SLC25A21: variants seen among roughly 807,000 people sequenced by gnomAD.
The protein encoded by SLC25A21 is mitochondrial 2-oxodicarboxylate carrier.
In SLC25A21, 47 loss-of-function variants were observed where a neutral mutation model predicts 43.8. The observed-to-expected ratio is 1.07, with a 90% confidence interval of 0.85 to 1.37. The LOEUF is 1.37. Ranked by LOEUF, SLC25A21 falls within the 40% of genes most tolerant of loss-of-function variation. The pLI is 0.00. For missense variants in SLC25A21, 352 were observed against 350.2 expected, an observed-to-expected ratio of 1.00 and a Z score of -0.04; for synonymous variants, 131 against 121.3, an observed-to-expected ratio of 1.08 and a Z score of -0.52.
chr14:36,872,079 G>A (rs534998421), intron 2 of SLC25A21, among the ~76,000 whole-genome samples: 1 of 152,178 alleles, frequency 6.6e-6, no homozygotes, highest in South Asian at 2.1e-4. Flanking sequence ...AAAAAGAAGT[G>A]GAAAGTAAAT....
chr14:37,136,474 G>C (rs1355738867), intron 1 of SLC25A21, among the ~76,000 whole-genome samples: 1 of 152,092 alleles, frequency 6.6e-6, no homozygotes, highest in Non-Finnish European at 1.5e-5. Flanking sequence ...ACATGCCAGA[G>C]ATGTTGTTAT....
At chr14:37,044,449 T>C (rs189111324) in intron 1 of SLC25A21, among the ~76,000 whole-genome samples, 1 of 152,326 alleles carries the variant, frequency 6.6e-6, no homozygotes, top group East Asian at 1.9e-4. Context: ...GGTACTCTTA[T>C]CTATTCATAG....
At chr14:36,966,151 A>G (rs919174331) in intron 1 of SLC25A21, among the ~76,000 whole-genome samples, 1 of 152,186 alleles carries the variant, frequency 6.6e-6, no homozygotes, top group Admixed American at 6.5e-5. Flanking sequence ...AGTCACAGCC[A>G]TGACCAACAG....
chr14:36,781,745 C>G (rs1230322221), intron 3 of SLC25A21, among the ~76,000 whole-genome samples: 1 of 151,990 alleles, frequency 6.6e-6, no homozygotes, highest in Non-Finnish European at 1.5e-5. Context: ...GTCTTTTAAC[C>G]ATTATACTAG....
At chr14:36,796,370 T>C (rs1423288545) in intron 3 of SLC25A21, among the ~76,000 whole-genome samples, 1 of 146,914 alleles carries the variant, frequency 6.8e-6, no homozygotes, top group Non-Finnish European at 1.5e-5. Flanking sequence ...TATTTATTTA[T>C]TTATTTCTCT....
At chr14:37,077,167 T>C (rs1435587573) in intron 1 of SLC25A21, among the ~76,000 whole-genome samples, 1 of 152,192 alleles carries the variant, frequency 6.6e-6, no homozygotes, top group Non-Finnish European at 1.5e-5. Context: ...CACGCTGAGA[T>C]ATCATTTAGT....
chr14:36,682,110 C>CAAAG (rs1882293841), intron 9 of SLC25A21, among the ~76,000 whole-genome samples: 1 of 151,904 alleles, frequency 6.6e-6, no homozygotes, highest in Admixed American at 6.6e-5. Context: ...TTCTCCAGAA[C>CAAAG]AAAGAACAAA....
At chr14:36,964,471 C>T (rs1594723577) in intron 1 of SLC25A21, among the ~76,000 whole-genome samples, 1 of 152,282 alleles carries the variant, frequency 6.6e-6, no homozygotes, top group East Asian at 1.9e-4. Flanking sequence ...TCAGGAGAGG[C>T]TTTGTAACAA....
At chr14:36,783,501 G>A (rs896911917) in intron 3 of SLC25A21, among the ~76,000 whole-genome samples, 2 of 152,054 alleles carry the variant, frequency 1.3e-5, no homozygotes, top group African/African-American at 4.8e-5. Flanking sequence ...GTATTCTGGT[G>A]GGGGGCAAGA....
intron 1 of SLC25A21, among the ~76,000 whole-genome samples, chr14:37,122,822 T>C (rs1290279019): frequency 6.8e-6 from 1 of 147,690 alleles, no homozygotes; most frequent in African/African-American, 2.5e-5. Flanking sequence ...AACTGAGAAT[T>C]ATTTACCAAA....
chr14:37,110,037 T>C (rs766169203), intron 1 of SLC25A21, among the ~76,000 whole-genome samples: 4 of 152,180 alleles, frequency 2.6e-5, no homozygotes, highest in Admixed American at 1.3e-4. Context: ...CATCATAGTA[T>C]TCCAAGAACC....
At chr14:36,735,114 G>T (rs1189096961) in intron 3 of SLC25A21, among the ~76,000 whole-genome samples, 1 of 152,186 alleles carries the variant, frequency 6.6e-6, no homozygotes, top group Non-Finnish European at 1.5e-5. Context: ...TTCCTTGATG[G>T]AAGTGGAAGA....
chr14:37,109,326 T>C (rs996396560), intron 1 of SLC25A21, among the ~76,000 whole-genome samples: 2 of 148,122 alleles, frequency 1.4e-5, no homozygotes, highest in African/African-American at 5.0e-5. Context: ...ATTTAAGCAA[T>C]GAATCTCGGG....
At chr14:36,972,071 A>G (rs11848329) in intron 1 of SLC25A21, among the ~76,000 whole-genome samples, 15,832 of 152,160 alleles carry the variant, frequency 0.1, 2,246 homozygotes, top group African/African-American at 0.32. Context: ...AGATTATAAC[A>G]TATTTTTATT....
intron 1 of SLC25A21, among the ~76,000 whole-genome samples, chr14:36,913,630 T>C (rs1432197702): frequency 6.6e-6 from 1 of 152,226 alleles, no homozygotes; most frequent in African/African-American, 2.4e-5. Context: ...TCTTTTCCAC[T>C]GTTAATTGGA....
At chr14:37,100,028 A>ATGTTTGTT (rs71449968) in intron 1 of SLC25A21, among the ~76,000 whole-genome samples, 58 of 147,318 alleles carry the variant, frequency 3.9e-4, no homozygotes, top group East Asian at 1.4e-3. Context: ...CACCACCTCT[A>ATGTTTGTT]TGTTTGTTTG....
rs112876844 is a variant in SLC25A21 at position 36,699,581 on chromosome 14, C to G, written c.603+11737G>C. On this transcript the variant is annotated intron_variant, in intron 7 of 9. Transcript: ENST00000331299. ...GGTGGAGTCTAGAGGCAGGAGGCCT[C>G]GTTGAGCTGTGGTGGGCTCCACCCA... 4.5e-4 allele frequency among the ~76,000 whole-genome samples: 68 copies of G among 152,284 alleles called. 1 individual carries two copies. In the East Asian group the frequency reaches 0.012, roughly 27 times the overall value.
chr14:36,812,604 A>G (rs963243202), intron 3 of SLC25A21, among the ~76,000 whole-genome samples: 1 of 152,020 alleles, frequency 6.6e-6, no homozygotes, highest in African/African-American at 2.4e-5. Context: ...TCTACCATAG[A>G]GATTAATTTA....
chr14:36,680,595 T>C lies in SLC25A21; in HGVS notation c.*63A>G. 6.4e-7 allele frequency: 1 copy of C among 1,569,914 alleles called. No individual in the cohort carries two copies. The highest frequency in any genetic ancestry group is 8.6e-7 in the Non-Finnish European group (1 of 1,158,576). On this transcript the variant is annotated 3_prime_UTR_variant, in exon 10 of 10. Transcript: ENST00000331299. ...ACACCTGGCCGATCGATAGTCTCTC[T>C]TCTTCATGGTGCTGCATAGCAAATA...
Sources: allele counts gnomAD v4.1 joint callset (sites outside exome capture counted in the v4.1 genomes callset), GRCh38; gene constraint gnomAD v4.1.1; transcripts MANE v1.5; gene names NCBI Gene and HGNC (gene_info 2026-07-23, HGNC 2026-07-21).